Variants in HPSE2 observed in about 807,000 individuals in gnomAD.
The protein encoded by HPSE2 is inactive heparanase-2.
Under a neutral mutation model 60.5 loss-of-function variants are expected in HPSE2, and 38 were observed. The ratio of observed to expected loss-of-function variants is 0.63; its 90% CI spans 0.48 to 0.82. The LOEUF (loss-of-function observed/expected upper bound fraction) is 0.82. Among genes scored for constraint, HPSE2 ranks in the 40% least tolerant of loss-of-function variants. The pLI is 0.00. For missense variants in HPSE2, 713 were observed against 740.4 expected (o/e 0.96, Z 0.43); for synonymous variants, 295 against 293.2 (o/e 1.01, Z -0.06).
At chr10:99,064,294 T>C (rs1842543104) in intron 3 of HPSE2, among the ~76,000 whole-genome samples, 1 of 151,854 alleles carries the variant, frequency 6.6e-6, no homozygotes, top group Non-Finnish European at 1.5e-5. Flanking sequence ...TGTGAGGGAG[T>C]AATCATCAAA....
At chr10:99,013,870 C>G (rs1269495733) in intron 3 of HPSE2, 1 of 365,712 alleles carries the variant, frequency 2.7e-6, no homozygotes, top group Non-Finnish European at 5.6e-6. Flanking sequence ...GGTAGTTTTC[C>G]CTGCACTATC....
chr10:99,305,555 G>A, the HPSE2 span, among the ~76,000 whole-genome samples: 2 of 152,124 alleles, frequency 1.3e-5, no homozygotes, highest in African/African-American at 4.8e-5. Flanking sequence ...AAGGAAGGAA[G>A]GGTTGATGGG....
intron 3 of HPSE2, among the ~76,000 whole-genome samples, chr10:99,134,844 A>G (rs1412454083): frequency 6.6e-6 from 1 of 152,136 alleles, no homozygotes; most frequent in African/African-American, 2.4e-5. Flanking sequence ...GCATCATGAC[A>G]GGATCAAATT....
chr10:98,653,856 GA>G (rs1946986574), intron 6 of HPSE2, among the ~76,000 whole-genome samples: 1 of 151,796 alleles, frequency 6.6e-6, no homozygotes, highest in Non-Finnish European at 1.5e-5. Flanking sequence ...CTTTCTACCT[GA>G]AAAGCTTCTA....
upstream of HPSE2, among the ~76,000 whole-genome samples, chr10:99,239,641 G>A (rs1311032778): frequency 1.3e-5 from 2 of 151,546 alleles, no homozygotes; most frequent in Non-Finnish European, 2.9e-5. Flanking sequence ...TGTTGCCTAG[G>A]CTGGTCTCAA....
chr10:99,120,983 T>C (rs904235715), intron 3 of HPSE2, among the ~76,000 whole-genome samples: 2 of 152,302 alleles, frequency 1.3e-5, no homozygotes, highest in Non-Finnish European at 1.5e-5. Flanking sequence ...ATGTAAATCA[T>C]TGTATCACAG....
intron 2 of HPSE2, among the ~76,000 whole-genome samples, chr10:99,228,211 C>A (rs530121649): frequency 6.6e-6 from 1 of 152,042 alleles, no homozygotes; most frequent in East Asian, 1.9e-4. Context: ...GTAAGTTGGG[C>A]TGTAATAAAA....
chr10:98,844,038 C>T (rs1180322597), intron 3 of HPSE2, among the ~76,000 whole-genome samples: 2 of 152,104 alleles, frequency 1.3e-5, no homozygotes, highest in Non-Finnish European at 2.9e-5. Flanking sequence ...TACCCAGTGG[C>T]AGGGGGCTTA....
chr10:98,538,575 A>G (rs1943361288), intron 9 of HPSE2, among the ~76,000 whole-genome samples: 1 of 152,032 alleles, frequency 6.6e-6, no homozygotes, highest in African/African-American at 2.4e-5. Flanking sequence ...TGTACACTGG[A>G]ATCATCTGGG....
Position 98,859,682 on chromosome 10 carries a change from A to G in HPSE2, c.611-115626T>C, listed in dbSNP as rs1358934034. Among the ~76,000 whole-genome samples, 7 of 152,204 alleles carry G rather than the reference A, an allele frequency of 4.6e-5. No homozygotes were observed. The South Asian group carries it at 1.5e-3, about 32-fold the overall frequency. On this transcript the variant is annotated intron_variant, in intron 3 of 11. Transcript: ENST00000370552. ...TTCAGCATTAGACTGGAAGTTAATC[A>G]TAGCCACCTCTGGTTTTCAGGCCTT...
At chr10:98,870,512 G>C (rs1338743281) in intron 3 of HPSE2, among the ~76,000 whole-genome samples, 1 of 152,176 alleles carries the variant, frequency 6.6e-6, no homozygotes, top group Non-Finnish European at 1.5e-5. Flanking sequence ...TCAACTTGGA[G>C]ACTGTATCTA....
chr10:98,772,605 C>T (rs1950264769), intron 3 of HPSE2, among the ~76,000 whole-genome samples: 1 of 152,126 alleles, frequency 6.6e-6, no homozygotes, highest in African/African-American at 2.4e-5. Flanking sequence ...CCTGGAAACC[C>T]AAAGTATTAT....
chr10:98,908,307 C>A (rs1953879809), intron 3 of HPSE2, among the ~76,000 whole-genome samples: 1 of 152,164 alleles, frequency 6.6e-6, no homozygotes, highest in Non-Finnish European at 1.5e-5. Flanking sequence ...GTCATGATTA[C>A]ATCAAGAGCT....
chr10:99,084,627 T>A (rs950441555), intron 3 of HPSE2, among the ~76,000 whole-genome samples: 4 of 152,154 alleles, frequency 2.6e-5, no homozygotes, highest in Non-Finnish European at 5.9e-5. Context: ...TTGATTTGCA[T>A]GAGGCCATCA....
At position 98,609,824 on chromosome 10, in the gene HPSE2, GTTC is replaced by G. The variant is rs1260928934; in HGVS notation, c.1320+5077_1320+5079del. Among the ~76,000 whole-genome samples, 11 of 142,278 alleles carry G rather than the reference GTTC, an allele frequency of 7.7e-5. 1 individual carries two copies. The highest frequency in any genetic ancestry group is 5.6e-4 in the Admixed American group (8 of 14,248). 93.3% of individuals were successfully genotyped at this position (142,278 alleles called of 152,430 possible). A position where few individuals can be genotyped will look rare whatever the true frequency, so the allele number is the denominator to read the frequency against. On this transcript the variant is annotated intron_variant, in intron 9 of 11. Transcript: ENST00000370552. Reference sequence around the variant, plus strand: ...CTATGATGCCTTCTAATTAGGTGGTGTTCTTCTTCTTCTTCTTTTTTTTTTTTT... The same window carrying G: ...CTATGATGCCTTCTAATTAGGTGGTGTTCTTCTTCTTCTTTTTTTTTTTTT...
intron 9 of HPSE2, among the ~76,000 whole-genome samples, chr10:98,570,286 C>A (rs1944457984): frequency 6.6e-6 from 1 of 152,152 alleles, no homozygotes; most frequent in African/African-American, 2.4e-5. Context: ...GCCCTTCCTC[C>A]TGCTATCTGC....
chr10:98,554,635 G>T (rs966988240), intron 9 of HPSE2, among the ~76,000 whole-genome samples: 4 of 152,156 alleles, frequency 2.6e-5, no homozygotes, highest in African/African-American at 9.7e-5. Flanking sequence ...TTACAATGAT[G>T]CAAGTATTAT....
At chr10:99,073,521 T>C (rs2135553744) in intron 3 of HPSE2, among the ~76,000 whole-genome samples, 1 of 152,264 alleles carries the variant, frequency 6.6e-6, no homozygotes, top group Non-Finnish European at 1.5e-5. Context: ...AGCTAATGCA[T>C]GCTGGGCTTA....
chr10:98,485,483 GAAC>G (rs1941407649), intron 10 of HPSE2, among the ~76,000 whole-genome samples: 1 of 152,200 alleles, frequency 6.6e-6, no homozygotes, highest in Non-Finnish European at 1.5e-5. Context: ...TGCAACATGT[GAAC>G]TAGCTTTTGT....
Sources: gnomAD v4.1 joint callset for allele counts (sites outside exome capture counted in the v4.1 genomes callset) on GRCh38, gnomAD v4.1.1 for gene constraint, MANE v1.5 for transcripts, NCBI Gene and HGNC (gene_info 2026-07-23, HGNC 2026-07-21) for gene names.